Variants in CNIH3 observed in about 807,000 individuals in gnomAD.
CNIH3 encodes cornichon family AMPA receptor auxiliary protein 3.
In CNIH3, 14 loss-of-function variants were observed where a neutral mutation model predicts 24.1. The ratio of observed to expected loss-of-function variants is 0.58; its 90% confidence interval spans 0.38 to 0.91. The LOEUF is 0.91. CNIH3 is among the 40% of genes least tolerant of loss of function. The probability of loss-of-function intolerance (pLI) is 0.00; values close to 1 mark genes in which losing one functional copy is unlikely to be tolerated. For missense variants in CNIH3, 178 were observed against 196.8 expected (o/e 0.90, Z 0.57); for synonymous variants, 68 against 73.8 (o/e 0.92, Z 0.40).
intron 1 of CNIH3, among the ~76,000 whole-genome samples, chr1:224,448,247 C>G: frequency 7.4e-6 from 1 of 135,306 alleles, no homozygotes; most frequent in South Asian, 2.1e-4. Context: ...CCAAAAAACA[C>G]ACAAAAAAAA....
At chr1:224,736,484 G>T (rs2125249877) in intron 5 of CNIH3, among the ~76,000 whole-genome samples, 1 of 152,340 alleles carries the variant, frequency 6.6e-6, no homozygotes, top group East Asian at 1.9e-4. Flanking sequence ...AAAGTGTGGG[G>T]TAAGGAAGGG....
At chr1:224,507,141 A>G (rs1299164465) in intron 1 of CNIH3, among the ~76,000 whole-genome samples, 2 of 152,198 alleles carry the variant, frequency 1.3e-5, no homozygotes, top group African/African-American at 4.8e-5. Context: ...CTGGGATTAC[A>G]GGCATGAGCC....
intron 1 of CNIH3, among the ~76,000 whole-genome samples, chr1:224,657,409 TAGAGAGAG>T (rs142879463): frequency 9.5e-5 from 14 of 146,822 alleles, no homozygotes; most frequent in Admixed American, 1.4e-4. Context: ...AGAAATAGGG[TAGAGAGAG>T]AGAGAGAGAG....
chr1:224,583,901 A>G (rs1259095315), intron 5 of CNIH3, among the ~76,000 whole-genome samples: 1 of 152,240 alleles, frequency 6.6e-6, no homozygotes, highest in East Asian at 1.9e-4. Context: ...AGAATAAGCA[A>G]GACATGAATT....
At chr1:224,737,235 G>A (rs1356884812) in intron 5 of CNIH3, among the ~76,000 whole-genome samples, 3 of 144,638 alleles carry the variant, frequency 2.1e-5, no homozygotes, top group East Asian at 4.6e-4. Context: ...AGGGGGTGGG[G>A]TAGGGAGGTC....
chr1:224,717,066 C>T (rs1017368335), intron 3 of CNIH3, among the ~76,000 whole-genome samples: 4 of 152,216 alleles, frequency 2.6e-5, no homozygotes, highest in Non-Finnish European at 5.9e-5. Flanking sequence ...TCACCCCTTG[C>T]ACCACGACAG....
At chr1:224,455,641 G>A (rs1202113397) in intron 1 of CNIH3, among the ~76,000 whole-genome samples, 1 of 152,060 alleles carries the variant, frequency 6.6e-6, no homozygotes, top group Non-Finnish European at 1.5e-5. Context: ...CCTGCCCAAG[G>A]CTTAGTCTGA....
At chr1:224,622,860 C>G (rs990737592) in intron 1 of CNIH3, among the ~76,000 whole-genome samples, 5 of 152,252 alleles carry the variant, frequency 3.3e-5, no homozygotes, top group Non-Finnish European at 7.3e-5. Context: ...GCTTTGCCCT[C>G]TGGACTTGTT....
chr1:224,631,878 G>A (rs1040153667), intron 1 of CNIH3, among the ~76,000 whole-genome samples: 1 of 152,092 alleles, frequency 6.6e-6, no homozygotes, highest in South Asian at 2.1e-4. Flanking sequence ...AGAGTTGATA[G>A]CAACATAGCC....
intron 4 of CNIH3, among the ~76,000 whole-genome samples, chr1:224,581,861 C>A (rs910468076): frequency 1.3e-5 from 2 of 152,104 alleles, no homozygotes; most frequent in Non-Finnish European, 2.9e-5. Context: ...CTCTTCATAC[C>A]TAAATTACAG....
At chr1:224,539,995 A>G (rs1679450960), downstream of CNIH3, among the ~76,000 whole-genome samples, 1 of 152,210 alleles carries the variant, frequency 6.6e-6, no homozygotes, top group South Asian at 2.1e-4. Context: ...CTTTACTCAT[A>G]GTAAGCCTCT....
chr1:224,564,193 G>C (rs1055709172), intron 3 of CNIH3, among the ~76,000 whole-genome samples: 2 of 152,170 alleles, frequency 1.3e-5, no homozygotes, highest in African/African-American at 4.8e-5. Flanking sequence ...AAGCAGGCTT[G>C]TGTGCTAGTA....
intron 3 of CNIH3, among the ~76,000 whole-genome samples, chr1:224,693,957 T>C: frequency 6.6e-6 from 1 of 152,352 alleles, no homozygotes; most frequent in Middle Eastern, 3.4e-3. Flanking sequence ...AAATGCCCCA[T>C]GGGGGGCCAC....
At chr1:224,583,524 AATAG>A (rs767700669) in intron 5 of CNIH3, among the ~76,000 whole-genome samples, 1 of 152,204 alleles carries the variant, frequency 6.6e-6, no homozygotes, top group Non-Finnish European at 1.5e-5. Flanking sequence ...GACATCATCA[AATAG>A]ATAGTTTAGG....
intron 5 of CNIH3, among the ~76,000 whole-genome samples, chr1:224,584,941 AC>A (rs1474086651): frequency 6.6e-6 from 1 of 152,106 alleles, no homozygotes; most frequent in Non-Finnish European, 1.5e-5. Context: ...CTTCTAAAGA[AC>A]CCCTCAAACG....
intron 3 of CNIH3, among the ~76,000 whole-genome samples, chr1:224,597,595 C>T (rs997638541): frequency 3.9e-5 from 6 of 152,134 alleles, no homozygotes; most frequent in Non-Finnish European, 7.3e-5. Context: ...CCAGACAGCT[C>T]AGCTTCCAAA....
intron 3 of CNIH3, among the ~76,000 whole-genome samples, chr1:224,726,655 A>T (rs932394076): frequency 1.3e-5 from 2 of 151,738 alleles, no homozygotes; most frequent in Non-Finnish European, 2.9e-5. Context: ...ATTAGGTTTT[A>T]CTCGCCCTTT....
intron 1 of CNIH3, among the ~76,000 whole-genome samples, chr1:224,632,870 G>A (rs899973435): frequency 9.2e-5 from 14 of 152,168 alleles, no homozygotes; most frequent in African/African-American, 3.1e-4. Flanking sequence ...AGTACCAAAA[G>A]TCATGCCCTA....
At chr1:224,556,557 A>G (rs148922272) in intron 3 of CNIH3, among the ~76,000 whole-genome samples, 5 of 152,184 alleles carry the variant, frequency 3.3e-5, no homozygotes, top group African/African-American at 9.6e-5. Context: ...TAATCTTTCC[A>G]TGGATGGGGC....
Sources: gnomAD v4.1 joint callset for allele counts (sites outside exome capture counted in the v4.1 genomes callset) on GRCh38, gnomAD v4.1.1 for gene constraint, MANE v1.5 for transcripts, NCBI Gene and HGNC (gene_info 2026-07-23, HGNC 2026-07-21) for gene names.